The following PTPRR variants were observed in gnomAD, a reference collection of about 807,000 sequenced individuals.
PTPRR encodes receptor-type tyrosine-protein phosphatase R.
In PTPRR, 38 loss-of-function variants were observed where a neutral mutation model predicts 77.2. The ratio of observed to expected loss-of-function variants is 0.49; its 90% CI spans 0.38 to 0.65. The LOEUF is 0.65. Ranked by LOEUF, PTPRR falls within the 30% of genes least tolerant of loss-of-function variation. The pLI is 0.00. For synonymous variants in PTPRR, 299 were observed against 283.1 expected, an observed-to-expected ratio of 1.06 and a Z score of -0.57; for missense variants, 744 against 799.2, an observed-to-expected ratio of 0.93 and a Z score of 0.83.
At chr12:70,867,880 C>T (rs11178459) in intron 2 of PTPRR, among the ~76,000 whole-genome samples, 2,636 of 152,206 alleles carry the variant, frequency 0.017, 42 homozygotes, top group Middle Eastern at 0.041. Context: ...AGAAATAATG[C>T]CGCATATCTA....
chr12:70,782,995 A>C (rs1170073459), intron 2 of PTPRR, among the ~76,000 whole-genome samples: 1 of 151,966 alleles, frequency 6.6e-6, no homozygotes, highest in African/African-American at 2.4e-5. Context: ...GGCACATGGG[A>C]ATGGTAACTG....
At chr12:70,844,067 C>T (rs1176449411) in intron 2 of PTPRR, among the ~76,000 whole-genome samples, 2 of 151,722 alleles carry the variant, frequency 1.3e-5, no homozygotes, top group African/African-American at 2.4e-5. Context: ...CCACCCACCT[C>T]GGCCTCCCAA....
chr12:70,777,886 G>T (rs909668569), intron 2 of PTPRR, among the ~76,000 whole-genome samples: 3 of 152,186 alleles, frequency 2.0e-5, no homozygotes, highest in African/African-American at 7.2e-5. Flanking sequence ...TAAGATATGG[G>T]TATGTGTTAA....
chr12:70,875,559 G>A (rs1249279770), intron 2 of PTPRR, among the ~76,000 whole-genome samples: 2 of 150,072 alleles, frequency 1.3e-5, no homozygotes, highest in Non-Finnish European at 3.0e-5. Flanking sequence ...ACATGCAGAA[G>A]TTTATCTACA....
chr12:70,747,228 G>A (rs1890241820), intron 5 of PTPRR, among the ~76,000 whole-genome samples: 1 of 152,104 alleles, frequency 6.6e-6, no homozygotes. Flanking sequence ...ACCTGCACTA[G>A]AACAGTATCA....
At chr12:70,920,208 G>A (rs151224393) in intron 1 of PTPRR, 125 bp downstream of exon 1, 11,194 of 1,008,324 alleles carry the variant, frequency 0.011, 106 homozygotes, top group Middle Eastern at 0.029. Context: ...TCCCTGTCAG[G>A]TACTGTCCTG....
At chr12:70,777,846 TA>T (rs1891122939) in intron 2 of PTPRR, among the ~76,000 whole-genome samples, 2 of 152,242 alleles carry the variant, frequency 1.3e-5, no homozygotes, top group Admixed American at 6.5e-5. Flanking sequence ...TGACATGAGT[TA>T]AAAACAAATT....
intron 2 of PTPRR, among the ~76,000 whole-genome samples, chr12:70,832,748 G>C (rs1441686319): frequency 1.3e-5 from 2 of 152,136 alleles, no homozygotes; most frequent in East Asian, 3.9e-4. Flanking sequence ...CTGAGACTGG[G>C]TAATTTATAA....
intron 2 of PTPRR, among the ~76,000 whole-genome samples, chr12:70,799,801 A>C (rs10879199): frequency 0.83 from 125,587 of 152,128 alleles, 52,548 homozygotes; most frequent in East Asian, 0.94. Flanking sequence ...CATCCACAAT[A>C]ATCCATGCCA....
intron 4 of PTPRR, among the ~76,000 whole-genome samples, chr12:70,759,276 T>G (rs967192740): frequency 6.6e-6 from 1 of 152,108 alleles, no homozygotes; most frequent in Non-Finnish European, 1.5e-5. Flanking sequence ...GCCCATTGCA[T>G]GCCAGGCACT....
chr12:70,684,395 T>A, intron 9 of PTPRR, 131 bp from the exon 10 acceptor site: 1 of 947,098 alleles, frequency 1.1e-6, no homozygotes, highest in Non-Finnish European at 1.6e-6. Context: ...TCACTGACTC[T>A]AGTACAACAA....
chr12:70,873,226 A>G (rs1892991709), intron 2 of PTPRR, among the ~76,000 whole-genome samples: 1 of 152,152 alleles, frequency 6.6e-6, no homozygotes, highest in Non-Finnish European at 1.5e-5. Flanking sequence ...TCAAGACTTC[A>G]CAGTGGAGCA....
chr12:70,695,807 G>A (rs371505408), intron 8 of PTPRR, among the ~76,000 whole-genome samples: 9 of 152,082 alleles, frequency 5.9e-5, no homozygotes, highest in East Asian at 3.8e-4. Flanking sequence ...CTTTGGCCAA[G>A]TATAGTCATA....
chr12:70,737,752 G>T (rs902370136), intron 6 of PTPRR, among the ~76,000 whole-genome samples: 3 of 152,052 alleles, frequency 2.0e-5, no homozygotes, highest in African/African-American at 7.2e-5. Flanking sequence ...CAAACTCCTG[G>T]CTTCAAGTGA....
At chr12:70,894,208 C>A (rs151030947) in intron 1 of PTPRR, among the ~76,000 whole-genome samples, 14 of 151,910 alleles carry the variant, frequency 9.2e-5, no homozygotes, top group African/African-American at 3.1e-4. Context: ...CTATTTTTAT[C>A]TTTTACTTCC....
At chr12:70,727,161 G>T (rs1889470740) in intron 6 of PTPRR, among the ~76,000 whole-genome samples, 2 of 152,196 alleles carry the variant, frequency 1.3e-5, no homozygotes, top group South Asian at 4.1e-4. Flanking sequence ...AATTTTAAGG[G>T]TTTTGTGCTG....
chr12:70,752,642 C>A (rs1890439644), intron 5 of PTPRR, among the ~76,000 whole-genome samples: 1 of 152,184 alleles, frequency 6.6e-6, no homozygotes, highest in Non-Finnish European at 1.5e-5. Flanking sequence ...TCTATCCTTG[C>A]CTTTGCTCTT....
At chr12:70,688,179 A>C (rs1244600338) in intron 8 of PTPRR, among the ~76,000 whole-genome samples, 1 of 152,132 alleles carries the variant, frequency 6.6e-6, no homozygotes, top group Non-Finnish European at 1.5e-5. Context: ...TGTGGGCAAA[A>C]ATTTCTTGGA....
chr12:70,742,983 G>C (rs1441955130), intron 6 of PTPRR, among the ~76,000 whole-genome samples: 1 of 152,206 alleles, frequency 6.6e-6, no homozygotes, highest in Non-Finnish European at 1.5e-5. Flanking sequence ...TCAGAGTAGT[G>C]ACACAGAGTT....
Sources: gnomAD v4.1 joint callset for allele counts (sites outside exome capture counted in the v4.1 genomes callset) on GRCh38, gnomAD v4.1.1 for gene constraint, MANE v1.5 for transcripts, NCBI Gene and HGNC (gene_info 2026-07-23, HGNC 2026-07-21) for gene names.